SNX10: variants seen among roughly 807,000 people sequenced by gnomAD.
The protein encoded by SNX10 is sorting nexin 10.
In SNX10, 25 loss-of-function variants were observed where a neutral mutation model predicts 28.5. The ratio of observed to expected loss-of-function variants is 0.88; its 90% confidence interval spans 0.64 to 1.22. The LOEUF (loss-of-function observed/expected upper bound fraction) is 1.22. Among genes scored for constraint, SNX10 ranks in the 50% most tolerant of loss-of-function variants. The pLI, the probability that SNX10 is intolerant of heterozygous loss-of-function variation, is 0.00. For synonymous variants in SNX10, 62 were observed against 81.4 expected, an observed-to-expected ratio of 0.76 and a Z score of 1.28; for missense variants, 223 against 242.6, an observed-to-expected ratio of 0.92 and a Z score of 0.54.
At chr7:26,340,196 C>T (rs1054607091) in intron 1 of SNX10, among the ~76,000 whole-genome samples, 14 of 152,092 alleles carry the variant, frequency 9.2e-5, no homozygotes, top group African/African-American at 3.4e-4. Context: ...CTGTTGACCT[C>T]AGAAAGGTAT....
chr7:26,309,489 A>G (rs1255321622), intron 1 of SNX10, among the ~76,000 whole-genome samples: 1 of 151,954 alleles, frequency 6.6e-6, no homozygotes, highest in African/African-American at 2.4e-5. Context: ...GTGGCCCTTC[A>G]TAGCTAGTGA....
At chr7:26,338,739 A>C (rs373005068) in intron 1 of SNX10, among the ~76,000 whole-genome samples, 4 of 152,070 alleles carry the variant, frequency 2.6e-5, no homozygotes, top group African/African-American at 9.6e-5. Context: ...GGCGGGTAGG[A>C]GCTTAGGAAG....
At chr7:26,330,547 T>A (rs1787703500) in intron 1 of SNX10, among the ~76,000 whole-genome samples, 1 of 151,974 alleles carries the variant, frequency 6.6e-6, no homozygotes, top group South Asian at 2.1e-4. Flanking sequence ...AGCCCTGGCA[T>A]GAGTTCCCGA....
chr7:26,351,084 T>C (rs1788579036), intron 2 of SNX10, among the ~76,000 whole-genome samples: 2 of 152,254 alleles, frequency 1.3e-5, no homozygotes, highest in Admixed American at 1.3e-4. Flanking sequence ...ATGTCATTTT[T>C]AGAAAATTGA....
chr7:26,306,460 G>A (rs2127995691), intron 1 of SNX10, among the ~76,000 whole-genome samples: 1 of 149,472 alleles, frequency 6.7e-6, no homozygotes, highest in East Asian at 1.9e-4. Flanking sequence ...CACTCAGGCT[G>A]GAGTGTAGTG....
At chr7:26,360,167 T>G (rs1374497890) in intron 2 of SNX10, among the ~76,000 whole-genome samples, 1 of 152,212 alleles carries the variant, frequency 6.6e-6, no homozygotes, top group Non-Finnish European at 1.5e-5. Context: ...TAATAAGTTA[T>G]TATCGCTTAT....
intron 1 of SNX10, among the ~76,000 whole-genome samples, chr7:26,342,264 T>C (rs1343576230): frequency 3.9e-5 from 6 of 152,148 alleles, no homozygotes; most frequent in African/African-American, 1.4e-4. Context: ...TGACCTCAGG[T>C]GATATGGCTG....
intron 2 of SNX10, among the ~76,000 whole-genome samples, chr7:26,347,852 A>G (rs1480172430): frequency 6.6e-6 from 1 of 152,236 alleles, no homozygotes; most frequent in Non-Finnish European, 1.5e-5. Context: ...TCTGTCTCAG[A>G]AAAAACCCAC....
intron 1 of SNX10, among the ~76,000 whole-genome samples, chr7:26,333,009 T>A (rs1267078716): frequency 1.3e-5 from 2 of 152,210 alleles, no homozygotes; most frequent in Non-Finnish European, 2.9e-5. Context: ...GAAGTGGGAA[T>A]CCTCCTGCTT....
intron 1 of SNX10, among the ~76,000 whole-genome samples, chr7:26,300,837 G>A (rs1786306127): frequency 6.6e-6 from 1 of 151,824 alleles, no homozygotes; most frequent in African/African-American, 2.4e-5. Context: ...TGGCCAACAT[G>A]GCGAAACCCC....
At chr7:26,304,884 G>C (rs1786522685) in intron 1 of SNX10, among the ~76,000 whole-genome samples, 1 of 152,182 alleles carries the variant, frequency 6.6e-6, no homozygotes, top group African/African-American at 2.4e-5. Flanking sequence ...TTAGAGAGCT[G>C]ATTAAGCTTG....
intron 1 of SNX10, among the ~76,000 whole-genome samples, chr7:26,314,413 C>T (rs1026731858): frequency 1.2e-4 from 19 of 152,070 alleles, no homozygotes; most frequent in African/African-American, 4.3e-4. Flanking sequence ...TGTCACCATG[C>T]CTGGCTAATT....
At chr7:26,308,770 C>T (rs530141825) in intron 1 of SNX10, among the ~76,000 whole-genome samples, 46 of 152,270 alleles carry the variant, frequency 3.0e-4, no homozygotes, top group African/African-American at 1.1e-3. Context: ...ACAGGCGAAA[C>T]AGCCTGGGGC....
chr7:26,328,899 T>C (rs1268430963), intron 1 of SNX10, among the ~76,000 whole-genome samples: 2 of 152,150 alleles, frequency 1.3e-5, no homozygotes, highest in Non-Finnish European at 2.9e-5. Flanking sequence ...TTTTCTCCCC[T>C]CCACTGGATA....
intron 1 of SNX10, among the ~76,000 whole-genome samples, chr7:26,322,139 CTG>C (rs369215348): frequency 0.052 from 7,950 of 152,000 alleles, 284 homozygotes; most frequent in Non-Finnish European, 0.08. Flanking sequence ...TCCTACCAGA[CTG>C]GAGTTGGTAC....
At chr7:26,366,284 A>G (rs981762937) in intron 5 of SNX10, among the ~76,000 whole-genome samples, 6 of 152,208 alleles carry the variant, frequency 3.9e-5, no homozygotes, top group African/African-American at 1.4e-4. Context: ...GATATTAAGT[A>G]TGCACATTAA....
intron 1 of SNX10, among the ~76,000 whole-genome samples, chr7:26,326,436 C>A (rs555740562): frequency 6.6e-6 from 1 of 152,252 alleles, no homozygotes; most frequent in African/African-American, 2.4e-5. Flanking sequence ...CTTCCTGATC[C>A]CACACATGGC....
chr7:26,326,949 C>CTTT (rs34664332), intron 1 of SNX10, among the ~76,000 whole-genome samples: 1 of 119,812 alleles, frequency 8.3e-6, no homozygotes. Flanking sequence ...TGTTAATTAT[C>CTTT]TTTTTTTTTT....
intron 1 of SNX10, among the ~76,000 whole-genome samples, chr7:26,338,542 C>T (rs1788035595): frequency 6.6e-6 from 1 of 152,106 alleles, no homozygotes; most frequent in Non-Finnish European, 1.5e-5. Context: ...GCTGGGACTA[C>T]AGGCGCCCGC....
Sources: allele counts gnomAD v4.1 joint callset (sites outside exome capture counted in the v4.1 genomes callset), GRCh38; gene constraint gnomAD v4.1.1; transcripts MANE v1.5; gene names NCBI Gene and HGNC (gene_info 2026-07-23, HGNC 2026-07-21).